The following PTPRT variants were observed in gnomAD, a reference collection of about 807,000 sequenced individuals.
PTPRT encodes receptor-type tyrosine-protein phosphatase T.
A neutral mutation model predicts 176.8 loss-of-function variants in PTPRT; 56 were observed. The observed-to-expected ratio is 0.32, with a 90% CI of 0.26 to 0.40. PTPRT has a LOEUF of 0.40. PTPRT is among the 10% of genes least tolerant of loss of function. The pLI is 1.00. For synonymous variants in PTPRT, 783 were observed against 739.0 expected, an observed-to-expected ratio of 1.06 and a Z score of -0.96; for missense variants, 1,540 against 1,908.2, an observed-to-expected ratio of 0.81 and a Z score of 3.60.
At chr20:42,962,150 A>C (rs1449604878) in intron 1 of PTPRT, among the ~76,000 whole-genome samples, 1 of 152,222 alleles carries the variant, frequency 6.6e-6, no homozygotes, top group Non-Finnish European at 1.5e-5. Context: ...TAATACAGGT[A>C]ATGTATCCAA....
intron 7 of PTPRT, among the ~76,000 whole-genome samples, chr20:42,652,026 C>A (rs7271086): frequency 0.056 from 8,423 of 149,806 alleles, 822 homozygotes; most frequent in African/African-American, 0.2. Context: ...CCAGCCTGGG[C>A]AACAGAGCGA....
intron 1 of PTPRT, among the ~76,000 whole-genome samples, chr20:43,048,626 G>A (rs1986928413): frequency 6.6e-6 from 1 of 152,166 alleles, no homozygotes; most frequent in Non-Finnish European, 1.5e-5. Flanking sequence ...AGAAATGATC[G>A]CTGTTGGTGG....
intron 8 of PTPRT, among the ~76,000 whole-genome samples, chr20:42,457,957 TCCTTTCC>T (rs2070952219): frequency 6.6e-6 from 1 of 152,136 alleles, no homozygotes; most frequent in Admixed American, 6.5e-5. Context: ...CTGACCTCTC[TCCTTTCC>T]CCACTCCCAT....
At chr20:42,968,804 G>C (rs1053814309) in intron 1 of PTPRT, 1 of 152,234 alleles carries the variant, frequency 6.6e-6, no homozygotes, top group Non-Finnish European at 1.5e-5. Flanking sequence ...AGGTCTGCCT[G>C]CCTCTTCCAT....
chr20:42,900,685 A>C (rs902116892), intron 1 of PTPRT, among the ~76,000 whole-genome samples: 1 of 152,152 alleles, frequency 6.6e-6, no homozygotes, highest in African/African-American at 2.4e-5. Flanking sequence ...GTTGGGAGAA[A>C]AGCTGAGTGT....
intron 7 of PTPRT, among the ~76,000 whole-genome samples, chr20:42,489,962 C>A (rs562645730): frequency 3.3e-5 from 5 of 152,182 alleles, no homozygotes; most frequent in Non-Finnish European, 7.4e-5. Context: ...TTTTCCCCTG[C>A]ACAGTAAAAA....
intron 2 of PTPRT, among the ~76,000 whole-genome samples, chr20:42,797,655 G>T (rs1249845703): frequency 6.6e-6 from 1 of 152,032 alleles, no homozygotes; most frequent in African/African-American, 2.4e-5. Flanking sequence ...CATGGCAAGA[G>T]AATTAAGGTT....
At chr20:42,241,742 G>T (rs917071398) in intron 14 of PTPRT, among the ~76,000 whole-genome samples, 5 of 152,044 alleles carry the variant, frequency 3.3e-5, no homozygotes, top group Non-Finnish European at 7.4e-5. Context: ...GAAGGAGCAG[G>T]ATTCAATTTT....
At chr20:42,846,201 T>C (rs937107504) in intron 2 of PTPRT, among the ~76,000 whole-genome samples, 1 of 152,130 alleles carries the variant, frequency 6.6e-6, no homozygotes, top group African/African-American at 2.4e-5. Flanking sequence ...CCTGCTGCCA[T>C]TGCAAATTAT....
intron 1 of PTPRT, among the ~76,000 whole-genome samples, chr20:43,035,109 T>C (rs992035958): frequency 1.3e-5 from 2 of 152,128 alleles, no homozygotes; most frequent in Non-Finnish European, 1.5e-5. Flanking sequence ...GGCACCCAAC[T>C]GCAACTCTGA....
chr20:42,391,962 T>C (rs1212998676), intron 9 of PTPRT, among the ~76,000 whole-genome samples: 8 of 152,170 alleles, frequency 5.3e-5, no homozygotes, highest in African/African-American at 1.9e-4. Flanking sequence ...CCACGGGCTC[T>C]ATTTTCCTCC....
At chr20:43,003,940 C>T (rs1216672417) in intron 1 of PTPRT, among the ~76,000 whole-genome samples, 1 of 152,010 alleles carries the variant, frequency 6.6e-6, no homozygotes, top group Non-Finnish European at 1.5e-5. Context: ...AAATAGATAC[C>T]ATTCAACAAA....
intron 14 of PTPRT, among the ~76,000 whole-genome samples, chr20:42,244,455 G>A (rs2056413622): frequency 6.6e-6 from 1 of 152,182 alleles, no homozygotes; most frequent in African/African-American, 2.4e-5. Flanking sequence ...AGGAGACAGG[G>A]TCTGGCTAGA....
At chr20:42,181,736 C>G (rs1297783835) in intron 16 of PTPRT, among the ~76,000 whole-genome samples, 1 of 152,166 alleles carries the variant, frequency 6.6e-6, no homozygotes, top group Non-Finnish European at 1.5e-5. Context: ...CCATACTAGT[C>G]TCCAGGGATA....
intron 6 of PTPRT, among the ~76,000 whole-genome samples, chr20:42,691,955 G>A (rs534829687): frequency 2.6e-5 from 4 of 152,238 alleles, no homozygotes; most frequent in Admixed American, 2.6e-4. Flanking sequence ...ACTGTTCTAG[G>A]TATTTCTAAC....
At chr20:43,056,282 T>C (rs866608030) in intron 1 of PTPRT, among the ~76,000 whole-genome samples, 1 of 152,178 alleles carries the variant, frequency 6.6e-6, no homozygotes, top group African/African-American at 2.4e-5. Flanking sequence ...AACTACATCT[T>C]CGCATCCTTC....
chr20:42,831,456 G>A (rs767063155), intron 2 of PTPRT, among the ~76,000 whole-genome samples: 10 of 152,120 alleles, frequency 6.6e-5, no homozygotes, highest in Non-Finnish European at 1.3e-4. Context: ...GGGACATTCT[G>A]TACATAGGAA....
intron 13 of PTPRT, among the ~76,000 whole-genome samples, chr20:42,278,158 G>A (rs1295337009): frequency 1.6e-5 from 2 of 123,876 alleles, no homozygotes; most frequent in African/African-American, 3.0e-5. Flanking sequence ...TGAGTGCTAT[G>A]AAGGAAAAGT....
At chr20:42,581,064 C>T (rs1349912471) in intron 7 of PTPRT, among the ~76,000 whole-genome samples, 3 of 152,112 alleles carry the variant, frequency 2.0e-5, no homozygotes, top group Non-Finnish European at 4.4e-5. Context: ...AGCTCTAGGC[C>T]CCCTAGCTTC....
Sources: gnomAD v4.1 joint callset for allele counts (sites outside exome capture counted in the v4.1 genomes callset) on GRCh38, gnomAD v4.1.1 for gene constraint, MANE v1.5 for transcripts, NCBI Gene and HGNC (gene_info 2026-07-23, HGNC 2026-07-21) for gene names.